Variants in SYK observed in about 807,000 individuals in gnomAD.
SYK encodes the protein spleen associated tyrosine kinase.
SYK carries 16 observed loss-of-function variants against 77.8 expected under a neutral mutation model. The ratio of observed to expected loss-of-function variants is 0.21; its 90% CI spans 0.14 to 0.31. The LOEUF (loss-of-function observed/expected upper bound fraction) is 0.31, where lower values mean the gene tolerates loss of function less well. SYK is among the 10% of genes least tolerant of loss of function. The pLI, the probability that SYK is intolerant of heterozygous loss-of-function variation, is 1.00. For synonymous variants in SYK, 312 were observed against 308.7 expected, an observed-to-expected ratio of 1.01 and a Z score of -0.11; for missense variants, 529 against 814.4, an observed-to-expected ratio of 0.65 and a Z score of 4.26.
chr9:90,847,268 A>G (rs933205933), intron 3 of SYK, among the ~76,000 whole-genome samples: 9 of 152,170 alleles, frequency 5.9e-5, no homozygotes, highest in Non-Finnish European at 1.3e-4. Flanking sequence ...TTTATGCAAG[A>G]GAGTCTCAAA....
At chr9:90,867,543 G>A (rs1290905397) in intron 7 of SYK, among the ~76,000 whole-genome samples, 1 of 152,168 alleles carries the variant, frequency 6.6e-6, no homozygotes, top group Non-Finnish European at 1.5e-5. Context: ...TTACTTTTTG[G>A]TGGCCAGACT....
chr9:90,895,966 T>G lies in SYK; in HGVS notation c.*366T>G. On this transcript the variant is annotated 3_prime_UTR_variant, in exon 14 of 14. Coordinates refer to ENST00000375754, the MANE Select transcript of SYK (RefSeq NM_003177.7). The surrounding 1 kb of genome is among the most constrained non-coding windows in gnomAD (Gnocchi z 4.4). ...CATCGGGCCCAGGGACATTGCAGAG[T>G]GGCCTAGAGCACTCTCACCCCAAGC... 1 of 312,344 alleles carries G rather than the reference T, an allele frequency of 3.2e-6. No individual in the cohort carries two copies. Among genetic ancestry groups the G allele is most frequent in the East Asian group, 4.7e-5 (1 of 21,328 alleles). The allele number at this position is 312,344 out of a possible 1,614,324, so 19.3% of individuals were successfully genotyped here.
At chr9:90,889,873 A>G (rs1256535044) in intron 13 of SYK, among the ~76,000 whole-genome samples, 10 of 152,246 alleles carry the variant, frequency 6.6e-5, no homozygotes, top group Non-Finnish European at 1.5e-4. Flanking sequence ...ATTGGCAGGT[A>G]GGCACTGGCA....
intron 8 of SYK, 78 bp downstream of exon 8, chr9:90,874,369 G>C: frequency 3.6e-6 from 5 of 1,403,334 alleles, no homozygotes; most frequent in South Asian, 1.2e-5. Flanking sequence ...GTTGGTTCAC[G>C]AATCCACACC....
chr9:90,872,132 C>T (rs1021124327), intron 7 of SYK, among the ~76,000 whole-genome samples: 27 of 152,300 alleles, frequency 1.8e-4, no homozygotes, highest in African/African-American at 6.5e-4. Context: ...TTCTTCCCTG[C>T]AGGATTCATA....
chr9:90,864,827 C>A (rs1346672887), intron 5 of SYK, among the ~76,000 whole-genome samples, 160 bp downstream of exon 5: 4 of 152,034 alleles, frequency 2.6e-5, no homozygotes, highest in African/African-American at 4.8e-5. Flanking sequence ...TATCGTGAAT[C>A]AAAAAATAGC....
chr9:90,848,965 G>A lies in SYK; in HGVS notation c.578+3371G>A, dbSNP rs573479280. 8.5e-5 allele frequency among the ~76,000 whole-genome samples: 13 copies of A among 152,370 alleles called. No homozygotes were observed. In the South Asian group the frequency reaches 1.7e-3, roughly 19 times the overall value. ...GAGGAACCATCCCCACCCAGGGAATGGCAAATTCGAATGCCCTGTGGCAGG... is the reference window on the plus strand; with the variant it reads ...GAGGAACCATCCCCACCCAGGGAATAGCAAATTCGAATGCCCTGTGGCAGG... On this transcript the variant is annotated intron_variant, in intron 3 of 13. Transcript: ENST00000375754.
intron 2 of SYK, among the ~76,000 whole-genome samples, chr9:90,844,800 C>T (rs1196744630): frequency 6.6e-6 from 1 of 152,224 alleles, no homozygotes; most frequent in East Asian, 1.9e-4. Flanking sequence ...TTGATGGACA[C>T]ATTTGCTGTT....
At chr9:90,866,400 G>A (rs1042655127) in intron 6 of SYK, among the ~76,000 whole-genome samples, 20 of 152,366 alleles carry the variant, frequency 1.3e-4, no homozygotes, top group Non-Finnish European at 1.9e-4. Context: ...GTTATCAAAT[G>A]CAGGGAACGT....
chr9:90,887,547 A>C (rs4436247), intron 11 of SYK, among the ~76,000 whole-genome samples: 8,539 of 151,606 alleles, frequency 0.056, 285 homozygotes, highest in South Asian at 0.16. Context: ...CTGGAATTAC[A>C]GGCACCCGCC....
chr9:90,841,238 TTGTG>T (rs1035107589), intron 1 of SYK, among the ~76,000 whole-genome samples: 2 of 151,108 alleles, frequency 1.3e-5, no homozygotes, highest in South Asian at 2.1e-4. Flanking sequence ...TGTATGTAGT[TTGTG>T]TGTGTGGTGT....
chr9:90,857,208 A>G (rs575149009), intron 3 of SYK, among the ~76,000 whole-genome samples: 1 of 152,268 alleles, frequency 6.6e-6, no homozygotes, highest in Non-Finnish European at 1.5e-5. Context: ...CCACAACAAA[A>G]ACTCTGTTCC....
intron 1 of SYK, among the ~76,000 whole-genome samples, chr9:90,828,415 T>G (rs1009377392): frequency 5.3e-5 from 8 of 151,948 alleles, no homozygotes; most frequent in Non-Finnish European, 1.0e-4. Flanking sequence ...TGAGTTCTTT[T>G]TTCTAGCATC....
chr9:90,822,154 A>G (rs1374555065), intron 1 of SYK, among the ~76,000 whole-genome samples: 2 of 152,232 alleles, frequency 1.3e-5, no homozygotes, highest in Non-Finnish European at 2.9e-5. Context: ...ACTATATTCT[A>G]CTTCTTTTAC....
chr9:90,874,423 T>TCACATCTAGTGGCAGGCAGCAGGCAC, intron 8 of SYK, 132 bp downstream of exon 8: 1 of 984,160 alleles, frequency 1.0e-6, no homozygotes, highest in Non-Finnish European at 1.6e-6. Flanking sequence ...ATGGAAACAC[T>TCACATCTAGTGGCAGGCAGCAGGCAC]CACATCTAGT....
intron 13 of SYK, among the ~76,000 whole-genome samples, chr9:90,890,328 C>T (rs545699268): frequency 3.2e-4 from 49 of 152,278 alleles, no homozygotes; most frequent in Middle Eastern, 3.4e-3. Context: ...CATGGACGCA[C>T]GTAACAGTGG....
intron 3 of SYK, among the ~76,000 whole-genome samples, chr9:90,850,474 C>G (rs1241133807): frequency 2.6e-5 from 4 of 152,060 alleles, no homozygotes; most frequent in African/African-American, 9.7e-5. Context: ...CAAGATTGTG[C>G]CACTGCACTC....
intron 1 of SYK, among the ~76,000 whole-genome samples, chr9:90,821,973 G>C (rs1286629502): frequency 6.6e-6 from 1 of 152,044 alleles, no homozygotes; most frequent in African/African-American, 2.4e-5. Flanking sequence ...TATGAAATAA[G>C]GTGCCTTTAC....
intron 1 of SYK, among the ~76,000 whole-genome samples, chr9:90,809,717 T>G (rs1346457870): frequency 2.0e-5 from 3 of 152,086 alleles, no homozygotes; most frequent in Non-Finnish European, 4.4e-5. Context: ...CTATCCAGAG[T>G]GAACTAGAGC....
Sources: allele counts gnomAD v4.1 joint callset (sites outside exome capture counted in the v4.1 genomes callset), GRCh38; gene constraint gnomAD v4.1.1; non-coding constraint Gnocchi (gnomAD v3.1); transcripts MANE v1.5; gene names NCBI Gene and HGNC (gene_info 2026-07-23, HGNC 2026-07-21).